The following GPC6 variants were observed in gnomAD, a reference collection of about 807,000 sequenced individuals.
GPC6 encodes glypican-6.
GPC6 carries 14 observed loss-of-function variants against 55.2 expected under a neutral mutation model. The ratio of observed to expected loss-of-function variants is 0.25; its 90% CI spans 0.17 to 0.40. The LOEUF (loss-of-function observed/expected upper bound fraction) is 0.40. GPC6 is among the 10% of genes least tolerant of loss of function. GPC6 has a pLI of 1.00. For synonymous variants in GPC6, 278 were observed against 259.6 expected (o/e 1.07, Z -0.68); for missense variants, 641 against 708.5 (o/e 0.90, Z 1.08).
chr13:93,604,513 A>G (rs1277678582), intron 2 of GPC6, among the ~76,000 whole-genome samples: 4 of 152,170 alleles, frequency 2.6e-5, no homozygotes. Flanking sequence ...TCCAAATCAT[A>G]ACATTTGGAG....
At chr13:93,999,697 G>A (rs895327141) in intron 3 of GPC6, among the ~76,000 whole-genome samples, 4 of 152,028 alleles carry the variant, frequency 2.6e-5, no homozygotes, top group African/African-American at 9.7e-5. Context: ...TGGACACTTA[G>A]GTTGATTTCA....
chr13:93,430,298 A>G (rs1354558879), intron 1 of GPC6, among the ~76,000 whole-genome samples: 2 of 151,454 alleles, frequency 1.3e-5, no homozygotes, highest in African/African-American at 4.8e-5. Context: ...GAATAGAGAG[A>G]GTTCCTTTTT....
At chr13:94,080,558 C>T (rs1044098505) in intron 4 of GPC6, among the ~76,000 whole-genome samples, 1 of 152,126 alleles carries the variant, frequency 6.6e-6, no homozygotes, top group Middle Eastern at 3.4e-3. Context: ...ACTACTTGGG[C>T]AACTATAAAA....
At chr13:94,193,599 C>G (rs891397347) in intron 4 of GPC6, among the ~76,000 whole-genome samples, 1 of 152,110 alleles carries the variant, frequency 6.6e-6, no homozygotes, top group Non-Finnish European at 1.5e-5. Flanking sequence ...ACGTGGTGAG[C>G]GTGCGACATG....
chr13:93,915,350 A>T (rs1877231151), intron 3 of GPC6, among the ~76,000 whole-genome samples: 1 of 152,218 alleles, frequency 6.6e-6, no homozygotes, highest in African/African-American at 2.4e-5. Flanking sequence ...GAGAGAATGA[A>T]TATTGTGGGA....
At chr13:93,928,462 A>G (rs1426664917) in intron 3 of GPC6, among the ~76,000 whole-genome samples, 2 of 152,140 alleles carry the variant, frequency 1.3e-5, no homozygotes, top group Non-Finnish European at 2.9e-5. Flanking sequence ...ATATTGACAA[A>G]GGTGCAGTAG....
At chr13:93,543,775 A>G (rs1470549185) in intron 1 of GPC6, among the ~76,000 whole-genome samples, 1 of 152,188 alleles carries the variant, frequency 6.6e-6, no homozygotes, top group East Asian at 1.9e-4. Flanking sequence ...GTAGTGTTCC[A>G]GTAAACATGG....
chr13:93,743,744 T>C (rs1197071571), intron 2 of GPC6, among the ~76,000 whole-genome samples: 2 of 152,180 alleles, frequency 1.3e-5, no homozygotes, highest in Non-Finnish European at 2.9e-5. Context: ...ATTTATTATT[T>C]TTCCCTTTTT....
intron 1 of GPC6, among the ~76,000 whole-genome samples, chr13:93,281,413 G>A (rs1253535971): frequency 2.0e-5 from 3 of 152,122 alleles, no homozygotes; most frequent in Non-Finnish European, 4.4e-5. Flanking sequence ...AAATGCTCCT[G>A]TACAATCAAA....
intron 1 of GPC6, among the ~76,000 whole-genome samples, chr13:93,314,032 T>C (rs1008212840): frequency 6.6e-6 from 1 of 152,180 alleles, no homozygotes; most frequent in African/African-American, 2.4e-5. Context: ...TTTCCAATTT[T>C]AAGTTTGAAG....
intron 2 of GPC6, among the ~76,000 whole-genome samples, chr13:93,546,391 C>G (rs1874790207): frequency 6.6e-6 from 1 of 152,102 alleles, no homozygotes; most frequent in South Asian, 2.1e-4. Context: ...CATTTTATTG[C>G]TGTTTTAAAC....
At chr13:93,823,797 C>A (rs1887137137) in intron 2 of GPC6, among the ~76,000 whole-genome samples, 1 of 152,092 alleles carries the variant, frequency 6.6e-6, no homozygotes, top group African/African-American at 2.4e-5. Context: ...TGGATTCCTA[C>A]TATGAGATCA....
chr13:94,021,770 T>C (rs1226942065), intron 3 of GPC6, among the ~76,000 whole-genome samples: 1 of 152,092 alleles, frequency 6.6e-6, no homozygotes, highest in East Asian at 1.9e-4. Flanking sequence ...AAAATAATAA[T>C]GTATGTCAAT....
chr13:93,294,359 T>TA (rs1197868224), intron 1 of GPC6, among the ~76,000 whole-genome samples: 17 of 152,338 alleles, frequency 1.1e-4, no homozygotes, highest in African/African-American at 4.1e-4. Context: ...ATGGATTCTT[T>TA]AATAATGAAT....
At chr13:94,187,266 A>G (rs1889230654) in intron 4 of GPC6, 1 of 152,248 alleles carries the variant, frequency 6.6e-6, no homozygotes, top group Non-Finnish European at 1.5e-5. Flanking sequence ...AATCACCGGC[A>G]TAATTGGAAT....
chr13:93,372,104 A>G (rs1269355431), intron 1 of GPC6, among the ~76,000 whole-genome samples: 5 of 152,182 alleles, frequency 3.3e-5, no homozygotes, highest in African/African-American at 1.2e-4. Context: ...TCATTAATTC[A>G]TTTATACTTG....
Position 93,643,334 on chromosome 13 carries a change from C to G in GPC6, c.319+97913C>G, listed in dbSNP as rs74111517. 2.9e-3 allele frequency among the ~76,000 whole-genome samples: 436 copies of G among 152,178 alleles called. 4 individuals carry two copies. The highest frequency in any genetic ancestry group is 9.7e-3 in the African/African-American group (402 of 41,532). On this transcript the variant is annotated intron_variant, in intron 2 of 8. Coordinates refer to ENST00000377047, the MANE Select transcript of GPC6 (RefSeq NM_005708.5). ...AGTAGGGGGGTTCAAAACTTTACCT[C>G]CTGGCCTCTAAGAGTCTCAGCTGGG...
chr13:94,035,027 A>G (rs914275377), intron 4 of GPC6, among the ~76,000 whole-genome samples: 1 of 151,878 alleles, frequency 6.6e-6, no homozygotes, highest in African/African-American at 2.4e-5. Context: ...TTAGTTGACC[A>G]AGAGAAAGCA....
chr13:93,314,598 T>G (rs1479252341), intron 1 of GPC6, among the ~76,000 whole-genome samples: 1 of 152,152 alleles, frequency 6.6e-6, no homozygotes, highest in African/African-American at 2.4e-5. Flanking sequence ...TTGGTTGCCT[T>G]GTTTAGCTAC....
Sources: allele counts gnomAD v4.1 joint callset (sites outside exome capture counted in the v4.1 genomes callset), GRCh38; gene constraint gnomAD v4.1.1; transcripts MANE v1.5; gene names NCBI Gene and HGNC (gene_info 2026-07-23, HGNC 2026-07-21).